Variants in HEATR4 observed in about 807,000 individuals in gnomAD.
HEATR4 encodes HEAT repeat containing 4.
In HEATR4, 95 loss-of-function variants were observed where a neutral mutation model predicts 108.8. The ratio of observed to expected loss-of-function variants is 0.87; its 90% confidence interval spans 0.74 to 1.04. HEATR4 has a LOEUF of 1.04. Ranked by LOEUF, HEATR4 falls within the 50% of genes least tolerant of loss-of-function variation. HEATR4 has a pLI of 0.00. For synonymous variants in HEATR4, 443 were observed against 459.4 expected (o/e 0.96, Z 0.46); for missense variants, 1,152 against 1,253.8 (o/e 0.92, Z 1.23).
the HEATR4 span, among the ~76,000 whole-genome samples, chr14:73,605,728 G>T: frequency 6.6e-6 from 1 of 151,790 alleles, no homozygotes; most frequent in East Asian, 1.9e-4. Context: ...CTGCCACCAT[G>T]CCCAGCTAAT....
At chr14:73,493,855 CAAAAA>C (rs1482790300) in intron 16 of HEATR4, among the ~76,000 whole-genome samples, 2 of 152,048 alleles carry the variant, frequency 1.3e-5, no homozygotes, top group Admixed American at 6.6e-5. Flanking sequence ...AAAACAAAAA[CAAAAA>C]AGAATCTTAT....
At chr14:73,591,531 G>A in the HEATR4 span, among the ~76,000 whole-genome samples, 33 of 149,822 alleles carry the variant, frequency 2.2e-4, 1 homozygote, top group Admixed American at 6.6e-5. Context: ...CGACAGAGGA[G>A]ACTCTGTTTC....
the HEATR4 span, among the ~76,000 whole-genome samples, chr14:73,605,259 C>G: frequency 1.3e-5 from 2 of 152,042 alleles, no homozygotes; most frequent in Non-Finnish European, 2.9e-5. Flanking sequence ...TCTTATTACC[C>G]GACTCTAGCC....
chr14:73,499,353 C>T lies in HEATR4; in HGVS notation c.2287-213G>A, dbSNP rs567332486. On this transcript the variant is annotated intron_variant, in intron 12 of 17. Transcript: ENST00000553558. ...AAAATTAGCCGGGCATGGTGTCACA[C>T]GCCTGTAATCCCAGCTACTCGGAGG... 2.0e-4 allele frequency among the ~76,000 whole-genome samples: 30 copies of T among 152,176 alleles called. 1 individual carries two copies. The highest frequency in any genetic ancestry group is 5.5e-4 in the African/African-American group (23 of 41,556).
rs1363832022 is a variant in HEATR4 at position 73,523,239 on chromosome 14, G to A, written c.-72-15C>T. 9 of 1,330,548 alleles carry A rather than the reference G, an allele frequency of 6.8e-6. No individual in the cohort carries two copies. The highest frequency in any genetic ancestry group is 1.5e-5 in the African/African-American group (1 of 68,306). The allele number at this position is 1,330,548 out of a possible 1,614,324, so 82.4% of individuals were successfully genotyped here. On this transcript the variant is annotated splice_polypyrimidine_tract_variant and intron_variant, in intron 2 of 17. Transcript: ENST00000553558. ...AGACCTGGCACCTGTTAAGGGAATG[G>A]GAGGAACTGATGAGAACTCTAGAGC...
intron 7 of HEATR4, among the ~76,000 whole-genome samples, chr14:73,510,447 T>TG (rs201165950): frequency 0.037 from 5,591 of 151,948 alleles, 153 homozygotes; most frequent in Non-Finnish European, 0.059. Flanking sequence ...TTTTTGTTTT[T>TG]TTTTTGAGAT....
the HEATR4 span, among the ~76,000 whole-genome samples, chr14:73,591,497 A>C: frequency 6.6e-6 from 1 of 151,882 alleles, no homozygotes; most frequent in African/African-American, 2.4e-5. Flanking sequence ...AGTGAGCCGA[A>C]GCGCCACTGC....
the HEATR4 span, among the ~76,000 whole-genome samples, chr14:73,606,406 C>A: frequency 6.6e-6 from 1 of 151,782 alleles, no homozygotes; most frequent in East Asian, 1.9e-4. Context: ...AAACTGTGAT[C>A]CTCAAACACT....
intron 1 of HEATR4, among the ~76,000 whole-genome samples, chr14:73,540,145 G>GAA (rs1239173657): frequency 8.6e-6 from 1 of 116,768 alleles, no homozygotes; most frequent in Non-Finnish European, 1.9e-5. Flanking sequence ...CTCACTGCTA[G>GAA]AAGGAGTCAA....
chr14:73,574,798 A>G, the HEATR4 span: 4 of 1,569,678 alleles, frequency 2.5e-6, no homozygotes, highest in South Asian at 1.2e-5. Context: ...GGTAAATGGT[A>G]GAACCTAGAT....
intron 17 of HEATR4, among the ~76,000 whole-genome samples, chr14:73,486,707 AAAG>A (rs937458275): frequency 2.0e-5 from 3 of 152,014 alleles, no homozygotes; most frequent in Admixed American, 6.6e-5. Context: ...TGAAAAAAAA[AAAG>A]AAAGGAACTT....
At chr14:73,571,956 C>A in the HEATR4 span, among the ~76,000 whole-genome samples, 1 of 151,262 alleles carries the variant, frequency 6.6e-6, no homozygotes, top group South Asian at 2.1e-4. Flanking sequence ...CAAAGAAATG[C>A]AAAATAAAAC....
At chr14:73,607,664 C>T in the HEATR4 span, among the ~76,000 whole-genome samples, 1 of 151,986 alleles carries the variant, frequency 6.6e-6, no homozygotes, top group South Asian at 2.1e-4. Flanking sequence ...GCTCTTGTCA[C>T]CCAGGCTGGA....
At chr14:73,578,438 A>C in the HEATR4 span, among the ~76,000 whole-genome samples, 2 of 151,994 alleles carry the variant, frequency 1.3e-5, no homozygotes, top group Non-Finnish European at 2.9e-5. Flanking sequence ...CATGTTGCCC[A>C]GGCTGGTCTC....
chr14:73,554,459 A>C lies in HEATR4; in HGVS notation c.-152+4292T>G, dbSNP rs1416248456. Among the ~76,000 whole-genome samples the C allele has an allele frequency of 1.7e-5, 2 of 115,930 alleles. 1 individual carries two copies. Among genetic ancestry groups the C allele is most frequent in the African/African-American group, 5.6e-5 (2 of 35,932 alleles). 76.1% of individuals were successfully genotyped at this position (115,930 alleles called of 152,430 possible). A position where few individuals can be genotyped will look rare whatever the true frequency, so the allele number is the denominator to read the frequency against. ...ATTTCCATCAACTATTTTTATTTGA[A>C]ATAAATATTTGAGGTAAGTTACCAA... On this transcript the variant is annotated intron_variant, in intron 1 of 17. Transcript: ENST00000553558.
At chr14:73,592,099 G>A in the HEATR4 span, 3 of 1,500,954 alleles carry the variant, frequency 2.0e-6, no homozygotes, top group South Asian at 1.3e-5. Context: ...GCGCTCTTCC[G>A]GGCCCACGCG....
At chr14:73,486,909 C>T (rs188135773) in intron 17 of HEATR4, among the ~76,000 whole-genome samples, 1 of 152,246 alleles carries the variant, frequency 6.6e-6, no homozygotes, top group East Asian at 1.9e-4. Flanking sequence ...ATCCTGTTGG[C>T]TCTATTCATC....
upstream of HEATR4, among the ~76,000 whole-genome samples, chr14:73,561,702 G>T (rs905141041): frequency 6.6e-6 from 1 of 151,950 alleles, no homozygotes; most frequent in African/African-American, 2.4e-5. Flanking sequence ...TGAATGAAAT[G>T]GCTGTGTGAG....
chr14:73,612,506 G>A, the HEATR4 span: 12 of 1,108,200 alleles, frequency 1.1e-5, 1 homozygote, highest in Non-Finnish European at 1.4e-5. Flanking sequence ...CCAGCGCTCG[G>A]CAAAGCCGCC....
Sources: gnomAD v4.1 joint callset for allele counts (sites outside exome capture counted in the v4.1 genomes callset) on GRCh38, gnomAD v4.1.1 for gene constraint, MANE v1.5 for transcripts, NCBI Gene and HGNC (gene_info 2026-07-23, HGNC 2026-07-21) for gene names.